Variants in NALF1 observed in about 807,000 individuals in gnomAD.
The protein encoded by NALF1 is family with sequence similarity 155 member A.
NALF1 carries 3 observed loss-of-function variants against 48.4 expected under a neutral mutation model. The ratio of observed to expected loss-of-function variants is 0.06; its 90% confidence interval spans 0.03 to 0.16. The LOEUF is 0.16. NALF1 is among the 10% of genes least tolerant of loss of function. The pLI is 1.00. For synonymous variants in NALF1, 262 were observed against 245.7 expected (o/e 1.07, Z -0.62); for missense variants, 526 against 571.5 (o/e 0.92, Z 0.81).
intron 1 of NALF1, among the ~76,000 whole-genome samples, chr13:107,538,230 ATTTC>A (rs1373792926): frequency 3.3e-5 from 5 of 152,066 alleles, no homozygotes; most frequent in South Asian, 4.1e-4. Flanking sequence ...TAATAAATGC[ATTTC>A]TTTCTATTTG....
intron 1 of NALF1, among the ~76,000 whole-genome samples, chr13:107,234,519 G>A (rs915957070): frequency 6.6e-5 from 10 of 152,070 alleles, no homozygotes; most frequent in Admixed American, 3.3e-4. Context: ...GCAGGGCTGC[G>A]AGGGTCCGCC....
intron 1 of NALF1, among the ~76,000 whole-genome samples, chr13:107,851,808 T>C (rs1056883688): frequency 1.4e-5 from 2 of 141,642 alleles, no homozygotes; most frequent in African/African-American, 2.6e-5. Flanking sequence ...GCCCTTTCTT[T>C]TTTTTTTTTT....
At chr13:107,785,544 C>A (rs180895120) in intron 1 of NALF1, among the ~76,000 whole-genome samples, 3 of 151,914 alleles carry the variant, frequency 2.0e-5, no homozygotes, top group Non-Finnish European at 4.4e-5. Context: ...TGGGGACTTG[C>A]GGGGAAGGGT....
At chr13:107,739,142 C>G (rs1224116491) in intron 1 of NALF1, among the ~76,000 whole-genome samples, 1 of 151,892 alleles carries the variant, frequency 6.6e-6, no homozygotes, top group African/African-American at 2.4e-5. Context: ...GGAAACATCA[C>G]ACACCAGGGC....
At chr13:107,461,186 T>G (rs527963935) in intron 1 of NALF1, among the ~76,000 whole-genome samples, 149 of 152,276 alleles carry the variant, frequency 9.8e-4, no homozygotes, top group African/African-American at 3.4e-3. Flanking sequence ...TCATTAAAAA[T>G]TATAAAAGGA....
intron 1 of NALF1, among the ~76,000 whole-genome samples, chr13:107,806,568 G>A (rs2138602161): frequency 6.6e-6 from 1 of 152,128 alleles, no homozygotes; most frequent in South Asian, 2.1e-4. Flanking sequence ...GTGACATCTG[G>A]TCAGAAAAGC....
At chr13:107,582,722 ATACT>A (rs1368990834) in intron 1 of NALF1, among the ~76,000 whole-genome samples, 1 of 152,238 alleles carries the variant, frequency 6.6e-6, no homozygotes, top group African/African-American at 2.4e-5. Flanking sequence ...GCAAATGTGC[ATACT>A]TAAAATGTGG....
chr13:107,508,614 T>C (rs1338634226), intron 1 of NALF1, among the ~76,000 whole-genome samples: 10 of 152,114 alleles, frequency 6.6e-5, no homozygotes. Context: ...GCAGTTCTAG[T>C]ATTCTGACTT....
chr13:107,842,582 T>A (rs1398482200), intron 1 of NALF1, among the ~76,000 whole-genome samples: 1 of 151,634 alleles, frequency 6.6e-6, no homozygotes, highest in Non-Finnish European at 1.5e-5. Context: ...TCCCTCACAA[T>A]GCCTTATAAA....
intron 1 of NALF1, among the ~76,000 whole-genome samples, chr13:107,610,003 A>G (rs1162751517): frequency 1.3e-5 from 2 of 152,218 alleles, no homozygotes; most frequent in African/African-American, 4.8e-5. Flanking sequence ...ATGATGATTG[A>G]TAGACAATCA....
intron 1 of NALF1, among the ~76,000 whole-genome samples, chr13:107,553,366 C>CCGTT (rs1180238135): frequency 6.6e-6 from 1 of 152,068 alleles, no homozygotes; most frequent in African/African-American, 2.4e-5. Flanking sequence ...GTTACCTGAC[C>CCGTT]CGTTCCGTAT....
rs1338085619 is a variant in NALF1, at chr13:107,169,242, T to C, written c.*1255A>G. ...TATTTTTTAAAAAAGAAGTTGTTCCTCTGTGATAATGCAGAATTGCATACA... is the reference window on the plus strand; with the variant it reads ...TATTTTTTAAAAAAGAAGTTGTTCCCCTGTGATAATGCAGAATTGCATACA... On this transcript the variant is annotated 3_prime_UTR_variant, in exon 3 of 3. Coordinates refer to ENST00000375915, the MANE Select transcript of NALF1 (RefSeq NM_001080396.3). 1 of 152,262 alleles carries C rather than the reference T, an allele frequency of 6.6e-6. No homozygotes were observed. Among genetic ancestry groups the C allele is most frequent in the Non-Finnish European group, 1.5e-5 (1 of 68,038 alleles). 9.4% of individuals were successfully genotyped at this position (152,262 alleles called of 1,614,324 possible). A position where few individuals can be genotyped will look rare whatever the true frequency, so the allele number is the denominator to read the frequency against.
rs531429331 is a variant in NALF1, at chr13:107,648,955, T to G, written c.915+216727A>C. 9.3e-4 allele frequency among the ~76,000 whole-genome samples: 141 copies of G among 152,350 alleles called. 1 individual carries two copies. Among genetic ancestry groups the G allele is most frequent in the Non-Finnish European group, 1.2e-3 (83 of 68,026 alleles). On this transcript the variant is annotated intron_variant, in intron 1 of 2. Transcript: ENST00000375915. ...ATGCAATGTTGAGTATCTTTTCATC[T>G]GCTTATTTGTCATCTTAATATTTTC...
rs9559127 is a variant in NALF1, at chr13:107,663,564, G to A, written c.915+202118C>T. Among the ~76,000 whole-genome samples, 2,684 of 152,178 alleles carry A rather than the reference G, an allele frequency of 0.018. 149 individuals carry two copies. The East Asian group carries it at 0.2, about 11-fold the overall frequency. ...TGTTTTGTTGTCATTGTTGTTTTTC[G>A]TGTGTGGATTTTAATATCTCATACC... On this transcript the variant is annotated intron_variant, in intron 1 of 2. Transcript: ENST00000375915.
chr13:107,525,631 G>C (rs1199157735), intron 1 of NALF1, among the ~76,000 whole-genome samples: 1 of 152,006 alleles, frequency 6.6e-6, no homozygotes, highest in Non-Finnish European at 1.5e-5. Flanking sequence ...GTAAATACTT[G>C]AGTGGGATTT....
chr13:107,433,309 C>A (rs1884412984), intron 1 of NALF1, among the ~76,000 whole-genome samples: 1 of 152,118 alleles, frequency 6.6e-6, no homozygotes, highest in African/African-American at 2.4e-5. Flanking sequence ...TGACTAATAA[C>A]TGATAACTGT....
chr13:107,172,537 T>C (rs940422642), intron 2 of NALF1, among the ~76,000 whole-genome samples: 1 of 152,232 alleles, frequency 6.6e-6, no homozygotes. Flanking sequence ...ACAATATTCA[T>C]TTCTTCTTAG....
intron 1 of NALF1, among the ~76,000 whole-genome samples, chr13:107,695,540 C>T (rs1416333994): frequency 6.6e-6 from 1 of 152,012 alleles, no homozygotes; most frequent in Non-Finnish European, 1.5e-5. Flanking sequence ...ACTTAGACAC[C>T]TACCTAATTT....
At chr13:107,532,445 C>T (rs1481153273) in intron 1 of NALF1, among the ~76,000 whole-genome samples, 2 of 151,974 alleles carry the variant, frequency 1.3e-5, no homozygotes, top group Non-Finnish European at 2.9e-5. Context: ...CAATGCTTTT[C>T]CAATAAGCGT....
Sources: allele counts gnomAD v4.1 joint callset (sites outside exome capture counted in the v4.1 genomes callset), GRCh38; gene constraint gnomAD v4.1.1; transcripts MANE v1.5; gene names NCBI Gene and HGNC (gene_info 2026-07-23, HGNC 2026-07-21).